GLIS1: variants seen among roughly 807,000 people sequenced by gnomAD.
GLIS1 encodes the protein GLIS family zinc finger 1, also known as zinc finger protein GLIS1.
GLIS1 carries 24 observed loss-of-function variants against 63.8 expected under a neutral mutation model. That is an observed-to-expected ratio of 0.38 (90% CI 0.27 to 0.53). The LOEUF (loss-of-function observed/expected upper bound fraction) is 0.53, where lower values mean the gene tolerates loss of function less well. Ranked by LOEUF, GLIS1 falls within the 20% of genes least tolerant of loss-of-function variation. The pLI is 0.85. For synonymous variants in GLIS1, 450 were observed against 482.5 expected (o/e 0.93, Z 0.88); for missense variants, 1,036 against 1,074.1 (o/e 0.96, Z 0.50).
intron 2 of GLIS1, among the ~76,000 whole-genome samples, chr1:53,648,948 C>A (rs570355098): frequency 6.6e-6 from 1 of 152,278 alleles, no homozygotes; most frequent in South Asian, 2.1e-4. Context: ...TACATACTTA[C>A]GATTTGTGTA....
chr1:53,559,562 A>T (rs915074996), intron 4 of GLIS1, among the ~76,000 whole-genome samples: 2 of 152,104 alleles, frequency 1.3e-5, no homozygotes, highest in Non-Finnish European at 2.9e-5. Context: ...AGCACTGGCT[A>T]GCCCCTCCCA....
intron 2 of GLIS1, among the ~76,000 whole-genome samples, chr1:53,641,376 C>A (rs760306717): frequency 6.6e-6 from 1 of 152,212 alleles, no homozygotes; most frequent in Admixed American, 6.5e-5. Flanking sequence ...TGGGAAGGAA[C>A]AGCTTTCCTA....
intron 2 of GLIS1, among the ~76,000 whole-genome samples, chr1:53,664,872 G>A (rs59974372): frequency 0.028 from 4,261 of 152,162 alleles, 187 homozygotes; most frequent in African/African-American, 0.096. Context: ...CCAGGCAAAG[G>A]GACCAAAAAG....
chr1:53,719,729 G>A lies in GLIS1; in HGVS notation c.259+18077C>T, dbSNP rs180996344. Reference sequence around the variant, plus strand: ...AAAAACCAAATCCTCTGTGGAGAAAGGGGGATACTCAGACACTGTTGGTGG... The same window carrying A: ...AAAAACCAAATCCTCTGTGGAGAAAAGGGGATACTCAGACACTGTTGGTGG... On this transcript the variant is annotated intron_variant, in intron 2 of 10. Coordinates refer to ENST00000628545, the MANE Select transcript of GLIS1 (RefSeq NM_001367484.1). Among the ~76,000 whole-genome samples, 13 of 152,270 alleles carry A rather than the reference G, an allele frequency of 8.5e-5. 1 individual carries two copies. The South Asian group carries it at 1.7e-3, about 19-fold the overall frequency.
At chr1:53,525,769 C>T (rs1160520290) in intron 5 of GLIS1, among the ~76,000 whole-genome samples, 2 of 152,128 alleles carry the variant, frequency 1.3e-5, no homozygotes, top group Middle Eastern at 3.4e-3. Flanking sequence ...ACACCTCCCA[C>T]CACGAGCACC....
At chr1:53,537,687 A>G (rs569191801) in intron 4 of GLIS1, among the ~76,000 whole-genome samples, 75 of 152,334 alleles carry the variant, frequency 4.9e-4, no homozygotes, top group Non-Finnish European at 9.4e-4. Context: ...GCATGGCCCA[A>G]AAAGGAGGCA....
At chr1:53,550,338 A>G (rs1192530966) in intron 4 of GLIS1, among the ~76,000 whole-genome samples, 1 of 152,150 alleles carries the variant, frequency 6.6e-6, no homozygotes, top group Non-Finnish European at 1.5e-5. Flanking sequence ...GCTCTGCAGT[A>G]GGCCTGGGCT....
chr1:53,716,837 A>T (rs142366546), intron 2 of GLIS1, among the ~76,000 whole-genome samples: 11 of 152,340 alleles, frequency 7.2e-5, no homozygotes, highest in African/African-American at 2.6e-4. Context: ...TCAAAGAACT[A>T]ATACTCTGTC....
chr1:53,677,496 G>A (rs1025139541), intron 2 of GLIS1, among the ~76,000 whole-genome samples: 1 of 152,242 alleles, frequency 6.6e-6, no homozygotes, highest in African/African-American at 2.4e-5. Flanking sequence ...TCTGCTCCAC[G>A]GCCTGGCCAT....
intron 2 of GLIS1, among the ~76,000 whole-genome samples, chr1:53,649,392 G>A (rs1033404952): frequency 1.3e-5 from 2 of 152,174 alleles, no homozygotes; most frequent in Non-Finnish European, 2.9e-5. Context: ...CTCAAGTGTT[G>A]TGAGTATCTG....
At chr1:53,625,496 C>A (rs1645585066) in intron 2 of GLIS1, among the ~76,000 whole-genome samples, 1 of 152,182 alleles carries the variant, frequency 6.6e-6, no homozygotes, top group Non-Finnish European at 1.5e-5. Flanking sequence ...TCCCAATAAG[C>A]AAACCATTTT....
At chr1:53,618,573 C>G (rs1024956275) in intron 2 of GLIS1, among the ~76,000 whole-genome samples, 5 of 152,200 alleles carry the variant, frequency 3.3e-5, no homozygotes, top group African/African-American at 7.2e-5. Context: ...TGCAGACTTG[C>G]CCCTGGCCCT....
intron 4 of GLIS1, among the ~76,000 whole-genome samples, chr1:53,564,338 T>C (rs1644917108): frequency 6.6e-6 from 1 of 152,168 alleles, no homozygotes; most frequent in African/African-American, 2.4e-5. Context: ...AATTTTATTT[T>C]GCTTTTTAAT....
chr1:53,514,590 T>C, intron 8 of GLIS1, 35 bp downstream of exon 8: 5 of 1,598,156 alleles, frequency 3.1e-6, no homozygotes, highest in Non-Finnish European at 4.3e-6. Context: ...TCCCCCCTTG[T>C]TGCCCCTGGA....
chr1:53,634,718 G>A (rs529451382), intron 2 of GLIS1, among the ~76,000 whole-genome samples: 1 of 152,280 alleles, frequency 6.6e-6, no homozygotes, highest in Admixed American at 6.5e-5. Flanking sequence ...GCCAATTGAA[G>A]GCAGCTTCCA....
intron 4 of GLIS1, among the ~76,000 whole-genome samples, chr1:53,566,993 C>A (rs936753180): frequency 6.6e-6 from 1 of 152,136 alleles, no homozygotes; most frequent in Non-Finnish European, 1.5e-5. Flanking sequence ...AATGTGGAAA[C>A]AACTTTGGAA....
In GLIS1 at chr1:53,594,397, G is replaced by C; in HGVS notation, c.1031C>G (p.Pro344Arg). Residue 344 changes from proline to arginine, a missense_variant, in exon 4 of 11, where the codon CCC becomes CGC. By Grantham distance (103) the Pro-to-Arg change is moderately radical. Transcript: ENST00000628545. ...PHQQGLPPPY[P>R]LSQLPPGPSL... ...TGGGCCAGGCGGCAACTGAGACAGG[G>C]GATAGGGGGGCGGCAGGCCCTGCTG... 1 of 1,612,162 alleles carries C rather than the reference G, an allele frequency of 6.2e-7. No homozygotes were observed. Among genetic ancestry groups the C allele is most frequent in the Non-Finnish European group, 8.5e-7 (1 of 1,179,484 alleles).
intron 2 of GLIS1, among the ~76,000 whole-genome samples, chr1:53,648,454 T>C (rs925997532): frequency 2.6e-5 from 4 of 152,200 alleles, no homozygotes; most frequent in Non-Finnish European, 5.9e-5. Flanking sequence ...TAGCATTATA[T>C]ACTAAAAATG....
At chr1:53,577,991 G>A (rs1645049773) in intron 4 of GLIS1, among the ~76,000 whole-genome samples, 1 of 151,914 alleles carries the variant, frequency 6.6e-6, no homozygotes, top group Admixed American at 6.6e-5. Flanking sequence ...CCTACCCTAG[G>A]CCCAGGCTGA....
Sources: gnomAD v4.1 joint callset for allele counts (sites outside exome capture counted in the v4.1 genomes callset) on GRCh38, gnomAD v4.1.1 for gene constraint, MANE v1.5 for transcripts, NCBI Gene and HGNC (gene_info 2026-07-23, HGNC 2026-07-21) for gene names.